The following TBC1D5 variants were observed in gnomAD, a reference collection of about 807,000 sequenced individuals.
TBC1D5 encodes the protein TBC1 domain family member 5.
A neutral mutation model predicts 100.3 loss-of-function variants in TBC1D5; 75 were observed. The observed-to-expected ratio is 0.75, with a 90% CI of 0.62 to 0.91. TBC1D5 has a LOEUF of 0.91. Ranked by LOEUF, TBC1D5 falls within the 40% of genes least tolerant of loss-of-function variation. The pLI is 0.00. For synonymous variants in TBC1D5, 323 were observed against 325.6 expected (o/e 0.99, Z 0.09); for missense variants, 910 against 942.4 (o/e 0.97, Z 0.45).
chr3:17,385,774 G>A (rs1267974762), intron 8 of TBC1D5, among the ~76,000 whole-genome samples: 1 of 151,838 alleles, frequency 6.6e-6, no homozygotes, highest in East Asian at 1.9e-4. Flanking sequence ...TCTGAGCAAG[G>A]TCGCTTCACA....
intron 3 of TBC1D5, among the ~76,000 whole-genome samples, chr3:17,485,128 G>C (rs1055221383): frequency 2.6e-5 from 4 of 151,840 alleles, no homozygotes; most frequent in African/African-American, 9.7e-5. Flanking sequence ...TGACTATTTA[G>C]GATTTACCTA....
At chr3:17,682,157 C>A (rs2069579872) in intron 1 of TBC1D5, among the ~76,000 whole-genome samples, 1 of 151,318 alleles carries the variant, frequency 6.6e-6, no homozygotes, top group South Asian at 2.1e-4. Context: ...ACAAAAATTT[C>A]TTTAACAGGG....
rs112917029 is a variant in TBC1D5 at position 17,551,435 on chromosome 3, A to C, written c.-35-42830T>G. Among the ~76,000 whole-genome samples, 78 of 152,152 alleles carry C rather than the reference A, an allele frequency of 5.1e-4. 1 individual carries two copies. Among genetic ancestry groups the C allele is most frequent in the Non-Finnish European group, 1.2e-4 (8 of 67,986 alleles). ...TACTCATGTCATCCTCATTTTCTAA[A>C]TCAATAATCAGCACAGCATGCTTCA... On this transcript the variant is annotated intron_variant, in intron 2 of 21. Transcript: ENST00000253692.
At chr3:17,654,783 C>T (rs1340223525) in intron 1 of TBC1D5, among the ~76,000 whole-genome samples, 1 of 152,232 alleles carries the variant, frequency 6.6e-6, no homozygotes, top group East Asian at 1.9e-4. Flanking sequence ...GTGAATCCAT[C>T]TGGTCCTGGA....
At chr3:17,697,886 T>A (rs1222159312) in intron 1 of TBC1D5, among the ~76,000 whole-genome samples, 2 of 151,650 alleles carry the variant, frequency 1.3e-5, no homozygotes, top group African/African-American at 2.4e-5. Flanking sequence ...CAAAACAGCA[T>A]GGTACTGGTT....
rs2125419518 is a variant in TBC1D5, at chr3:17,180,671, GA to G, written c.1852+4437del. Among the ~76,000 whole-genome samples the G allele has an allele frequency of 2.0e-5, 3 of 152,260 alleles. 1 individual carries two copies. In the South Asian group the frequency reaches 6.2e-4, roughly 32 times the overall value. ...CCATTATGCTAAGTGAAACCACTCA[GA>G]AATAGTCAAATTCTGCATGTTCTCA... is the stretch of plus-strand genomic sequence containing the variant. On this transcript the variant is annotated intron_variant, in intron 19 of 21. Transcript: ENST00000253692.
chr3:17,274,681 T>C (rs373006215), intron 15 of TBC1D5, among the ~76,000 whole-genome samples: 1 of 152,280 alleles, frequency 6.6e-6, no homozygotes. Flanking sequence ...GCTCAAACCA[T>C]GCAGGCACCA....
intron 1 of TBC1D5, among the ~76,000 whole-genome samples, chr3:17,720,235 T>C (rs1410962561): frequency 6.6e-6 from 1 of 152,192 alleles, no homozygotes. Context: ...GTTTTCAATG[T>C]CTCTGTAACC....
chr3:17,265,175 T>C (rs188987821), intron 15 of TBC1D5, among the ~76,000 whole-genome samples: 1 of 152,308 alleles, frequency 6.6e-6, no homozygotes, highest in Non-Finnish European at 1.5e-5. Context: ...TCAAAGTGAT[T>C]TCCTGCAGTA....
At chr3:17,235,878 C>G (rs1325239006) in intron 17 of TBC1D5, among the ~76,000 whole-genome samples, 1 of 151,650 alleles carries the variant, frequency 6.6e-6, no homozygotes, top group African/African-American at 2.4e-5. Context: ...GAACATTTAT[C>G]ATTAATCTGA....
At chr3:17,385,998 A>G (rs1488538802) in intron 8 of TBC1D5, among the ~76,000 whole-genome samples, 1 of 152,156 alleles carries the variant, frequency 6.6e-6, no homozygotes, top group East Asian at 1.9e-4. Flanking sequence ...TTTTGAAACA[A>G]AAGAAAGTTG....
At chr3:17,590,103 A>G (rs552678241) in intron 2 of TBC1D5, among the ~76,000 whole-genome samples, 1 of 152,212 alleles carries the variant, frequency 6.6e-6, no homozygotes, top group Non-Finnish European at 1.5e-5. Context: ...TAACTAGACT[A>G]AAGTCCCAGC....
intron 2 of TBC1D5, among the ~76,000 whole-genome samples, chr3:17,542,721 T>C (rs2096370775): frequency 6.6e-6 from 1 of 152,240 alleles, no homozygotes; most frequent in African/African-American, 2.4e-5. Context: ...GATGATCATG[T>C]GCTTTTTTCC....
rs1236568386 is a variant in TBC1D5, at chr3:17,168,245, G to C, written c.1853-417C>G. On this transcript the variant is annotated intron_variant, in intron 19 of 21. Coordinates refer to ENST00000253692, the Ensembl canonical transcript of TBC1D5. ...CTCTAAAGACCGATTCCTTCCAGGTGACTGAAATTAATAAAGAAACTGTCT... is the reference window on the plus strand; with the variant it reads ...CTCTAAAGACCGATTCCTTCCAGGTCACTGAAATTAATAAAGAAACTGTCT... Among the ~76,000 whole-genome samples the C allele has an allele frequency of 3.3e-5, 5 of 152,146 alleles. No individual in the cohort carries two copies. The South Asian group carries it at 1.0e-3, about 32-fold the overall frequency.
At chr3:17,496,509 T>C (rs761812879) in intron 3 of TBC1D5, among the ~76,000 whole-genome samples, 26 of 151,994 alleles carry the variant, frequency 1.7e-4, no homozygotes, top group Admixed American at 3.9e-4. Flanking sequence ...TTCAATAGGC[T>C]ATATAAACTA....
At chr3:17,193,946 A>T (rs896178768) in intron 18 of TBC1D5, among the ~76,000 whole-genome samples, 1 of 152,218 alleles carries the variant, frequency 6.6e-6, no homozygotes, top group African/African-American at 2.4e-5. Context: ...ATATGTAGAA[A>T]ATCTCATTCC....
rs1461370027 is a variant in TBC1D5 at position 17,377,048 on chromosome 3, G to C, written c.613-435C>G. Among the ~76,000 whole-genome samples the C allele has an allele frequency of 2.6e-5, 4 of 152,150 alleles. No individual in the cohort carries two copies. The South Asian group carries it at 8.3e-4, about 32-fold the overall frequency. On this transcript the variant is annotated intron_variant, in intron 9 of 21. Coordinates refer to ENST00000253692, the Ensembl canonical transcript of TBC1D5. Reference sequence around the variant, plus strand: ...CATCCAATGTTTTCATTATATAATGGCTCAAAATTAGGATGTCTGTAGATT... The same window carrying C: ...CATCCAATGTTTTCATTATATAATGCCTCAAAATTAGGATGTCTGTAGATT...
chr3:17,534,643 A>C (rs2096265893), intron 2 of TBC1D5, among the ~76,000 whole-genome samples: 1 of 152,194 alleles, frequency 6.6e-6, no homozygotes, highest in African/African-American at 2.4e-5. Context: ...GAAAGAGAGT[A>C]GATGATGTCG....
intron 1 of TBC1D5, among the ~76,000 whole-genome samples, chr3:17,651,679 G>C (rs1381554193): frequency 6.6e-6 from 1 of 151,890 alleles, no homozygotes; most frequent in Non-Finnish European, 1.5e-5. Context: ...CTGCAGCCTG[G>C]GTGACAGAGA....
Sources: allele counts gnomAD v4.1 joint callset (sites outside exome capture counted in the v4.1 genomes callset), GRCh38; gene constraint gnomAD v4.1.1; transcripts MANE v1.5; gene names NCBI Gene and HGNC (gene_info 2026-07-23, HGNC 2026-07-21).